Variants in MYBPC1 observed in about 807,000 individuals in gnomAD.
The protein encoded by MYBPC1 is myosin binding protein C1.
In MYBPC1, 52 loss-of-function variants were observed where a neutral mutation model predicts 147.1. That is an observed-to-expected ratio of 0.35 (90% CI 0.28 to 0.45). The LOEUF is 0.45. MYBPC1 is among the 20% of genes least tolerant of loss of function. The pLI is 1.00. For missense variants in MYBPC1, 1,228 were observed against 1,440.3 expected (o/e 0.85, Z 2.39); for synonymous variants, 477 against 475.9 (o/e 1.00, Z -0.03).
intron 1 of MYBPC1, 46 bp from the exon 2 acceptor site, chr12:101,614,450 C>T (rs761620564): frequency 2.5e-6 from 4 of 1,611,232 alleles, no homozygotes; most frequent in Non-Finnish European, 3.4e-6. Context: ...CAGTTCTTCT[C>T]TGTGATAAAT....
rs146933347 is a variant in MYBPC1 at position 101,680,349 on chromosome 12, A to G, written c.3253A>G (p.Ile1085Val). Residue 1085 changes from isoleucine to valine, a missense_variant, in exon 29 of 32, where the codon ATA becomes GTA. Around this residue, in one of 2 missense-constraint regions of MYBPC1, gnomAD observed 1,077 missense variants for 1,314.2 expected, o/e 0.82. Transcript: ENST00000361466. ...CSVRGNPKPK[I>V]TWMKNKVAIV... ...TCTTCAATTTGAACTTCAGCCTAAA[A>G]TAACCTGGATGAAAAACAAAGTTGC... The G allele has an allele frequency of 1.2e-4, 196 of 1,613,806 alleles. No homozygotes were observed. Among genetic ancestry groups the G allele is most frequent in the Middle Eastern group, 3.3e-4 (2 of 6,082 alleles).
intron 22 of MYBPC1, chr12:101,666,427 G>C: frequency 2.8e-6 from 1 of 356,190 alleles, no homozygotes; most frequent in South Asian, 2.5e-5. Context: ...TCAGGGTCTT[G>C]CTTTGTTCTT....
intron 8 of MYBPC1, 73 bp downstream of exon 8, chr12:101,632,211 A>T: frequency 9.9e-7 from 1 of 1,012,482 alleles, no homozygotes; most frequent in Non-Finnish European, 1.6e-6. Flanking sequence ...GAAGTAGTTC[A>T]TTTAATACTA....
chr12:101,677,433 G>C, intron 27 of MYBPC1, 39 bp downstream of exon 27: 2 of 1,611,194 alleles, frequency 1.2e-6, no homozygotes, highest in Non-Finnish European at 1.7e-6. Context: ...AACCTTGGTT[G>C]ACAGTGACCA....
At chr12:101,614,425 T>C (rs1885313936) in intron 1 of MYBPC1, 71 bp from the exon 2 acceptor site, 10 of 1,574,022 alleles carry the variant, frequency 6.4e-6, no homozygotes, top group African/African-American at 1.4e-5. Context: ...AGAAGCTGCC[T>C]GGGGCTGTAG....
chr12:101,625,881 C>T (rs965905126), intron 3 of MYBPC1, among the ~76,000 whole-genome samples: 2 of 151,768 alleles, frequency 1.3e-5, no homozygotes, highest in Non-Finnish European at 2.9e-5. Flanking sequence ...GTCGAGAGAT[C>T]GAGACCACCC....
intron 20 of MYBPC1, 31 bp from the exon 21 acceptor site, chr12:101,662,327 A>G (rs1896713885): frequency 6.2e-7 from 1 of 1,611,334 alleles, no homozygotes. Flanking sequence ...GACCAAGGAA[A>G]AACCTTAGTT....
Position 101,663,510 on chromosome 12 carries a change from T to C in MYBPC1, c.2306T>C (p.Ile769Thr), listed in dbSNP as rs759024076. The part of the protein sequence containing the change: ...VTMRWRPPDH[I>T]GAAGLDGYVL... ...ATGAGGTGGCGCCCCCCAGACCACA[T>C]TGGTGCAGCAGGTTTAGATGGCTAT... The change falls in exon 22 of 32, where the codon ATT becomes ACT. Residue 769 changes from isoleucine to threonine, a missense_variant. Physicochemically the swap from Ile to Thr is moderately conservative, Grantham distance 89. Coordinates refer to ENST00000361466, the MANE Select transcript of MYBPC1 (RefSeq NM_002465.4). The C allele has an allele frequency of 3.1e-6, 5 of 1,613,988 alleles. No individual in the cohort carries two copies. Among genetic ancestry groups the C allele is most frequent in the East Asian group, 4.5e-5 (2 of 44,900 alleles).
intron 17 of MYBPC1, 79 bp from the exon 18 acceptor site, chr12:101,653,036 A>G (rs1378613772): frequency 2.6e-6 from 4 of 1,546,802 alleles, no homozygotes; most frequent in Admixed American, 3.4e-5. Flanking sequence ...GGTTACTACC[A>G]TCATACTAGC....
At chr12:101,694,500 G>A in the MYBPC1 span, among the ~76,000 whole-genome samples, 1 of 152,098 alleles carries the variant, frequency 6.6e-6, no homozygotes, top group Non-Finnish European at 1.5e-5. Flanking sequence ...CATGAGGGTG[G>A]GGCCTTCATG....
chr12:101,662,638 C>T, intron 21 of MYBPC1, 92 bp downstream of exon 21: 2 of 1,417,786 alleles, frequency 1.4e-6, no homozygotes, highest in South Asian at 2.3e-5. Flanking sequence ...CAGGCCTGGA[C>T]ACTTCTTAGA....
At chr12:101,687,924 T>C (rs1461677382), downstream of MYBPC1, among the ~76,000 whole-genome samples, 1 of 152,208 alleles carries the variant, frequency 6.6e-6, no homozygotes, top group Non-Finnish European at 1.5e-5. Flanking sequence ...CTACATATAA[T>C]CTTTCCTTAT....
chr12:101,645,874 T>C (rs886695844), intron 12 of MYBPC1, among the ~76,000 whole-genome samples: 10 of 152,248 alleles, frequency 6.6e-5, no homozygotes, highest in African/African-American at 2.2e-4. Context: ...TGTAACTGTA[T>C]GATAGCACCA....
intron 1 of MYBPC1, among the ~76,000 whole-genome samples, chr12:101,595,530 A>G (rs974847094): frequency 1.3e-5 from 2 of 152,206 alleles, no homozygotes; most frequent in Admixed American, 1.3e-4. Context: ...CAAGATTTCA[A>G]AAAAGAATTT....
chr12:101,654,347 A>G (rs1593926623), intron 18 of MYBPC1, among the ~76,000 whole-genome samples: 1 of 152,232 alleles, frequency 6.6e-6, no homozygotes, highest in South Asian at 2.1e-4. Flanking sequence ...AAATATGTGA[A>G]CAATGGGTTT....
At chr12:101,632,220 T>A in intron 8 of MYBPC1, 82 bp downstream of exon 8, 1 of 984,600 alleles carries the variant, frequency 1.0e-6, no homozygotes, top group Non-Finnish European at 1.6e-6. Flanking sequence ...CATTTAATAC[T>A]ATGAGATTTC....
At chr12:101,685,042 A>G (rs1277110986) in intron 31 of MYBPC1, among the ~76,000 whole-genome samples, 1 of 152,134 alleles carries the variant, frequency 6.6e-6, no homozygotes, top group Non-Finnish European at 1.5e-5. Flanking sequence ...GACCGGTCTT[A>G]TTATTATAAT....
At chr12:101,668,139 C>G (rs1310074990) in intron 23 of MYBPC1, among the ~76,000 whole-genome samples, 1 of 152,130 alleles carries the variant, frequency 6.6e-6, no homozygotes, top group Non-Finnish European at 1.5e-5. Context: ...TCTCCTGGTT[C>G]CAGGAGCCAA....
At chr12:101,655,383 T>G (rs1895366943) in intron 18 of MYBPC1, among the ~76,000 whole-genome samples, 1 of 152,124 alleles carries the variant, frequency 6.6e-6, no homozygotes, top group Non-Finnish European at 1.5e-5. Context: ...AATTAGACAT[T>G]GAAGGCAAAT....
Sources: allele counts gnomAD v4.1 joint callset (sites outside exome capture counted in the v4.1 genomes callset), GRCh38; gene constraint gnomAD v4.1.1; regional missense constraint gnomAD v4.1.1; transcripts MANE v1.5; gene names NCBI Gene and HGNC (gene_info 2026-07-23, HGNC 2026-07-21).